CSF2RA: variants seen among roughly 807,000 people sequenced by gnomAD.
CSF2RA encodes colony stimulating factor 2 receptor subunit alpha, also known as granulocyte-macrophage colony-stimulating factor receptor subunit alpha.
In CSF2RA, 42 loss-of-function variants were observed where a neutral mutation model predicts 51.6. The ratio of observed to expected loss-of-function variants is 0.81; its 90% CI spans 0.64 to 1.05. The LOEUF is 1.05. CSF2RA is among the 50% of genes least tolerant of loss of function. The pLI is 0.00. For missense variants in CSF2RA, 530 were observed against 501.1 expected, an observed-to-expected ratio of 1.06 and a Z score of -0.55; for synonymous variants, 222 against 193.0, an observed-to-expected ratio of 1.15 and a Z score of -1.24.
intron 3 of CSF2RA, among the ~76,000 whole-genome samples, chrX:1,285,396 G>A (rs1430032411): frequency 6.6e-6 from 1 of 151,876 alleles, no homozygotes; most frequent in Non-Finnish European, 1.5e-5. Context: ...CGGGTGGGAG[G>A]ACAGAAAACA....
chrX:1,300,997 T>C (rs1255035599), intron 10 of CSF2RA, among the ~76,000 whole-genome samples: 1 of 151,534 alleles, frequency 6.6e-6, no homozygotes, highest in South Asian at 2.1e-4. Context: ...CTACTAAAAA[T>C]ACAAAATTAG....
At chrX:1,282,601 C>T in intron 2 of CSF2RA, 77 bp from the exon 3 acceptor site, 1 of 1,061,584 alleles carries the variant, frequency 9.4e-7, no homozygotes, top group South Asian at 1.2e-5. Context: ...TTCCCCAAAT[C>T]ACCTCCCTGG....
intron 11 of CSF2RA, among the ~76,000 whole-genome samples, chrX:1,304,638 A>AGGT (rs2083360848): frequency 2.2e-5 from 2 of 90,726 alleles, no homozygotes; most frequent in South Asian, 9.9e-4. Context: ...TCTGGGTTGG[A>AGGT]GGTGGGTTTT....
chrX:1,283,725 G>T (rs1452210779), intron 3 of CSF2RA, among the ~76,000 whole-genome samples: 2 of 151,694 alleles, frequency 1.3e-5, no homozygotes, highest in Non-Finnish European at 2.9e-5. Flanking sequence ...CTGCCACCAG[G>T]CCCAGCTAAT....
the CSF2RA span, among the ~76,000 whole-genome samples, chrX:1,319,687 A>G: frequency 6.8e-6 from 1 of 146,286 alleles, no homozygotes; most frequent in East Asian, 2.1e-4. Flanking sequence ...AAGTTCTGGA[A>G]TTACAGCCAT....
At chrX:1,294,486 G>C in intron 8 of CSF2RA, 25 bp downstream of exon 8, 7 of 1,609,722 alleles carry the variant, frequency 4.3e-6, no homozygotes, top group Non-Finnish European at 5.9e-6. Flanking sequence ...CCCGGGGCTG[G>C]GCACCAGGAG....
downstream of CSF2RA, among the ~76,000 whole-genome samples, chrX:1,312,500 G>A (rs2084233980): frequency 6.6e-6 from 1 of 151,868 alleles, no homozygotes; most frequent in African/African-American, 2.4e-5. Context: ...ACATTATTCT[G>A]TCTATCACAT....
chrX:1,294,215 C>T, intron 7 of CSF2RA, 113 bp from the exon 8 acceptor site: 3 of 1,343,686 alleles, frequency 2.2e-6, no homozygotes, highest in Admixed American at 1.7e-5. Flanking sequence ...GGACCTACTC[C>T]ACCTCCACCT....
chrX:1,280,917 C>A, intron 2 of CSF2RA, among the ~76,000 whole-genome samples: 1 of 139,964 alleles, frequency 7.1e-6, no homozygotes, highest in Non-Finnish European at 1.6e-5. Flanking sequence ...CCTTCTCCTC[C>A]TCCTCCTCCT....
intron 9 of CSF2RA, among the ~76,000 whole-genome samples, chrX:1,295,917 C>CT (rs1234467509): frequency 1.0e-4 from 14 of 138,690 alleles, no homozygotes; most frequent in Admixed American, 3.5e-4. Context: ...TACCGATGAC[C>CT]TCCAGCGTAA....
chrX:1,320,381 C>G, the CSF2RA span, among the ~76,000 whole-genome samples: 1 of 152,050 alleles, frequency 6.6e-6, no homozygotes, highest in African/African-American at 2.4e-5. Flanking sequence ...ATTTACAACA[C>G]TCATCATTTT....
chrX:1,305,440 T>C lies in CSF2RA; in HGVS notation c.1044-6T>C, dbSNP rs1191379150. 8 of 1,613,822 alleles carry C rather than the reference T, an allele frequency of 5.0e-6. No individual in the cohort carries two copies. In the Admixed American group the frequency reaches 1.0e-4, roughly 20 times the overall value. ...ATTCTCTTCACACTTTTTCTCTGTGTCTCAGGTTCCTTAGGATACAGCGGC... is the reference window on the plus strand; with the variant it reads ...ATTCTCTTCACACTTTTTCTCTGTGCCTCAGGTTCCTTAGGATACAGCGGC... On this transcript the variant is annotated splice_region_variant and splice_polypyrimidine_tract_variant and intron_variant, in intron 11 of 12. Coordinates refer to ENST00000381529, the MANE Select transcript of CSF2RA (RefSeq NM_172245.4).
intron 9 of CSF2RA, among the ~76,000 whole-genome samples, chrX:1,298,339 T>C (rs2092113657): frequency 6.8e-5 from 3 of 44,068 alleles, no homozygotes; most frequent in Non-Finnish European, 1.3e-4. Context: ...AGTCCCCTAC[T>C]CACGACCCCT....
At chrX:1,304,640 G>A (rs1454797354) in intron 11 of CSF2RA, among the ~76,000 whole-genome samples, 1 of 86,902 alleles carries the variant, frequency 1.2e-5, no homozygotes. Context: ...TGGGTTGGAG[G>A]TGGGTTTTTT....
Position 1,294,376 on chromosome X carries a change from A to T in CSF2RA, c.695A>T (p.His232Leu). 1 of 1,613,910 alleles carries T rather than the reference A, an allele frequency of 6.2e-7. No homozygotes were observed. Among genetic ancestry groups the T allele is most frequent in the Non-Finnish European group, 8.5e-7 (1 of 1,179,864 alleles). Residue 232 changes from histidine (H) to leucine (L), a missense_variant, in exon 8 of 13, where the codon CAC becomes CTC. His to Leu is a moderately conservative substitution (Grantham distance 99). Transcript: ENST00000381529. ...GTCACCGTACGTTGCAACACGACGC[A>T]CTGCCTCGTACGGTGGAAACAGCCC... ...SNVTVRCNTT[H>L]CLVRWKQPRT...
the CSF2RA span, among the ~76,000 whole-genome samples, chrX:1,322,167 G>T: frequency 1.3e-5 from 2 of 151,460 alleles, no homozygotes; most frequent in Non-Finnish European, 2.9e-5. Flanking sequence ...GTGCAATGGC[G>T]CAATCTCTGG....
chrX:1,282,968 T>C (rs2090211684), intron 3 of CSF2RA, among the ~76,000 whole-genome samples, 189 bp downstream of exon 3: 1 of 152,084 alleles, frequency 6.6e-6, no homozygotes, highest in African/African-American at 2.4e-5. Context: ...CTGCTGTTAA[T>C]TCCCATCCAC....
intron 8 of CSF2RA, 93 bp from the exon 9 acceptor site, chrX:1,295,334 G>C: frequency 6.5e-7 from 1 of 1,533,504 alleles, no homozygotes; most frequent in Non-Finnish European, 9.0e-7. Flanking sequence ...TTCCCATTCG[G>C]TGCCCACACC....
intron 2 of CSF2RA, chrX:1,282,399 C>T: frequency 1.8e-6 from 1 of 543,466 alleles, no homozygotes; most frequent in South Asian, 2.2e-5. Flanking sequence ...CTATGGGTTC[C>T]CTCATGAAGG....
Sources: gnomAD v4.1 joint callset for allele counts (sites outside exome capture counted in the v4.1 genomes callset) on GRCh38, gnomAD v4.1.1 for gene constraint, MANE v1.5 for transcripts, NCBI Gene and HGNC (gene_info 2026-07-23, HGNC 2026-07-21) for gene names.